Variants in PDLIM5 observed in about 807,000 individuals in gnomAD.
The protein encoded by PDLIM5 is PDZ and LIM domain 5.
Under a neutral mutation model 64.2 loss-of-function variants are expected in PDLIM5, and 34 were observed. That is an observed-to-expected ratio of 0.53 (90% CI 0.40 to 0.71). The LOEUF (loss-of-function observed/expected upper bound fraction) is 0.71, where lower values mean the gene tolerates loss of function less well. PDLIM5 is among the 30% of genes least tolerant of loss of function. The pLI is 0.00. For synonymous variants in PDLIM5, 253 were observed against 269.1 expected, an observed-to-expected ratio of 0.94 and a Z score of 0.59; for missense variants, 683 against 733.6, an observed-to-expected ratio of 0.93 and a Z score of 0.80.
intron 8 of PDLIM5, among the ~76,000 whole-genome samples, chr4:94,626,590 C>T (rs1340070294): frequency 6.6e-6 from 1 of 152,138 alleles, no homozygotes; most frequent in African/African-American, 2.4e-5. Flanking sequence ...CTGCTAAGAT[C>T]TGTTTCAAGT....
At chr4:94,563,455 T>C (rs1329892041) in intron 3 of PDLIM5, among the ~76,000 whole-genome samples, 7 of 152,330 alleles carry the variant, frequency 4.6e-5, no homozygotes, top group African/African-American at 1.7e-4. Flanking sequence ...GTTACGTAAC[T>C]GGAAAAAGCT....
At chr4:94,552,164 T>C (rs1732866830) in intron 3 of PDLIM5, among the ~76,000 whole-genome samples, 1 of 86,574 alleles carries the variant, frequency 1.2e-5, no homozygotes, top group African/African-American at 3.2e-5. Context: ...ACAAAGACTT[T>C]GATGGCTATT....
At chr4:94,577,422 C>T in intron 5 of PDLIM5, 1 of 455,958 alleles carries the variant, frequency 2.2e-6, no homozygotes. Context: ...AGCTCCTGGG[C>T]TGTACATACG....
At chr4:94,525,986 GA>G (rs2110141084) in intron 3 of PDLIM5, among the ~76,000 whole-genome samples, 1 of 152,296 alleles carries the variant, frequency 6.6e-6, no homozygotes, top group East Asian at 1.9e-4. Context: ...TACCAAGTAT[GA>G]ATTTTGAAGG....
intron 2 of PDLIM5, among the ~76,000 whole-genome samples, chr4:94,462,806 A>G (rs1046613743): frequency 6.6e-6 from 1 of 152,184 alleles, no homozygotes; most frequent in African/African-American, 2.4e-5. Context: ...TGCTAGCCTA[A>G]GTTTCAACAG....
chr4:94,462,192 G>A (rs144771902), intron 2 of PDLIM5, among the ~76,000 whole-genome samples: 219 of 152,184 alleles, frequency 1.4e-3, no homozygotes, highest in African/African-American at 4.9e-3. Context: ...CATTCATATG[G>A]TTCAAAATTC....
At chr4:94,590,548 A>C (rs1300135287) in intron 7 of PDLIM5, among the ~76,000 whole-genome samples, 3 of 152,240 alleles carry the variant, frequency 2.0e-5, no homozygotes, top group Non-Finnish European at 4.4e-5. Context: ...TTACCAAGAT[A>C]ATAAGTTAAT....
intron 5 of PDLIM5, among the ~76,000 whole-genome samples, 175 bp downstream of exon 5, chr4:94,576,209 A>C (rs1735241058): frequency 1.3e-5 from 2 of 152,218 alleles, no homozygotes; most frequent in Non-Finnish European, 2.9e-5. Context: ...TCTGCAAAGC[A>C]ATTATCACTT....
intron 3 of PDLIM5, among the ~76,000 whole-genome samples, chr4:94,525,428 A>C (rs985096753): frequency 1.5e-4 from 22 of 145,078 alleles, no homozygotes; most frequent in African/African-American, 5.7e-4. Flanking sequence ...CCCACCCCCC[A>C]AAAAAATATT....
intron 3 of PDLIM5, among the ~76,000 whole-genome samples, chr4:94,557,147 G>A (rs146711776): frequency 0.019 from 2,848 of 151,960 alleles, 38 homozygotes; most frequent in East Asian, 0.051. Flanking sequence ...TCCCAGCACT[G>A]TTTATTAAAT....
chr4:94,657,688 T>C (rs1407495055), intron 11 of PDLIM5, 141 bp downstream of exon 11: 2 of 568,294 alleles, frequency 3.5e-6, no homozygotes, highest in Middle Eastern at 2.9e-4. Flanking sequence ...GCTCTAAGCA[T>C]GTAGAAAAAA....
intron 2 of PDLIM5, among the ~76,000 whole-genome samples, chr4:94,505,419 G>A (rs1302570344): frequency 6.6e-6 from 1 of 152,092 alleles, no homozygotes; most frequent in African/African-American, 2.4e-5. Flanking sequence ...CCACCATGAT[G>A]CCCAGCTAAT....
Position 94,664,907 on chromosome 4 carries a change from C to G in PDLIM5, c.*840C>G, listed in dbSNP as rs568862642. The G allele has an allele frequency of 8.0e-5, 78 of 978,346 alleles. 1 individual carries two copies. In the South Asian group the frequency reaches 2.9e-3, roughly 37 times the overall value. 60.6% of individuals were successfully genotyped at this position (978,346 alleles called of 1,614,324 possible). On this transcript the variant is annotated 3_prime_UTR_variant, in exon 13 of 13. Transcript: ENST00000317968. ...TTGCTTGTATATTATTTTTGCCTTA[C>G]AGTGGATCATTCTAGTAGGAAAGGA...
chr4:94,479,330 C>CTT (rs34176254), intron 2 of PDLIM5, among the ~76,000 whole-genome samples: 3,104 of 130,888 alleles, frequency 0.024, 200 homozygotes, highest in African/African-American at 0.078. Context: ...AGCTTTGAGA[C>CTT]TTTTTTTTTT....
At chr4:94,620,186 C>T (rs749601038) in intron 8 of PDLIM5, among the ~76,000 whole-genome samples, 3 of 152,078 alleles carry the variant, frequency 2.0e-5, no homozygotes, top group Admixed American at 6.6e-5. Flanking sequence ...CTTCACCTAG[C>T]CCTCTAATTT....
chr4:94,529,504 T>G (rs1254537492), intron 3 of PDLIM5, among the ~76,000 whole-genome samples: 1 of 152,232 alleles, frequency 6.6e-6, no homozygotes, highest in African/African-American at 2.4e-5. Context: ...GTTTCATTTT[T>G]AGGCCCAACC....
chr4:94,473,671 A>G (rs186186266), intron 2 of PDLIM5, among the ~76,000 whole-genome samples: 1 of 152,382 alleles, frequency 6.6e-6, no homozygotes, highest in East Asian at 1.9e-4. Context: ...GGTCTTGTCA[A>G]CATAGTGGGT....
At chr4:94,623,469 T>C (rs919935813) in intron 8 of PDLIM5, among the ~76,000 whole-genome samples, 1 of 152,012 alleles carries the variant, frequency 6.6e-6, no homozygotes, top group South Asian at 2.1e-4. Context: ...TGAGCCCTCT[T>C]GTTACCTGTT....
intron 3 of PDLIM5, among the ~76,000 whole-genome samples, chr4:94,533,072 A>C (rs888129817): frequency 4.6e-5 from 7 of 152,190 alleles, no homozygotes; most frequent in Admixed American, 6.5e-5. Context: ...CATAATTGTC[A>C]ATCAACAAAT....
Sources: allele counts gnomAD v4.1 joint callset (sites outside exome capture counted in the v4.1 genomes callset), GRCh38; gene constraint gnomAD v4.1.1; transcripts MANE v1.5; gene names NCBI Gene and HGNC (gene_info 2026-07-23, HGNC 2026-07-21).